CC2D1B: variants seen among roughly 807,000 people sequenced by gnomAD.
CC2D1B encodes the protein coiled-coil and C2 domain-containing protein 1B.
Under a neutral mutation model 110.8 loss-of-function variants are expected in CC2D1B, and 92 were observed. That is an observed-to-expected ratio of 0.83 (90% CI 0.70 to 0.99). The LOEUF (loss-of-function observed/expected upper bound fraction) is 0.99, where lower values mean the gene tolerates loss of function less well. Ranked by LOEUF, CC2D1B falls within the 50% of genes least tolerant of loss-of-function variation. CC2D1B has a pLI of 0.00. For missense variants in CC2D1B, 1,136 were observed against 1,089.0 expected (o/e 1.04, Z -0.61); for synonymous variants, 406 against 429.2 (o/e 0.95, Z 0.67).
In CC2D1B at chr1:52,353,094, A is replaced by C; in HGVS notation, c.*131T>G. 1 of 937,366 alleles carries C rather than the reference A, an allele frequency of 1.1e-6. No individual in the cohort carries two copies. The highest frequency in any genetic ancestry group is 2.4e-5 in the Admixed American group (1 of 42,542). 58.1% of individuals were successfully genotyped at this position (937,366 alleles called of 1,614,324 possible). On this transcript the variant is annotated 3_prime_UTR_variant, in exon 25 of 25. Transcript: ENST00000284376. ...ACCAGAGTCGTGGTCAGTAGTGCAC[A>C]TGCTTAACAGGTCTTTGGTGCTTGG...
chr1:52,357,720 T>A, intron 14 of CC2D1B, 22 bp from the exon 15 acceptor site: 2 of 1,610,746 alleles, frequency 1.2e-6, no homozygotes, highest in African/African-American at 2.7e-5. Context: ...AGGCCACTGG[T>A]TAGGGCCACA....
At chr1:52,358,123 G>C in intron 13 of CC2D1B, 4 of 898,108 alleles carry the variant, frequency 4.5e-6, no homozygotes, top group Non-Finnish European at 6.5e-6. Flanking sequence ...AATGGGGATG[G>C]AGCCGGGGCT....
intron 23 of CC2D1B, 80 bp downstream of exon 23, chr1:52,354,528 C>CTA: frequency 8.5e-7 from 1 of 1,177,866 alleles, no homozygotes; most frequent in Non-Finnish European, 1.3e-6. Flanking sequence ...GCACGAAAAC[C>CTA]TACAACAAGG....
Position 52,356,184 on chromosome 1 carries a change from A to G in CC2D1B, c.2054+2T>C. The G allele has an allele frequency of 6.3e-7, 1 of 1,591,774 alleles. No individual in the cohort carries two copies. The highest frequency in any genetic ancestry group is 8.6e-7 in the Non-Finnish European group (1 of 1,163,110). ...AGCCCCTGTTTCCCTAGGCCTTGGT[A>G]CCTCACAGTCTGGAATGTCTTCAAC... On this transcript the variant is annotated splice_donor_variant, in intron 18 of 24. Coordinates refer to ENST00000284376, the MANE Select transcript of CC2D1B (RefSeq NM_001330585.2). LOFTEE classifies it high-confidence loss of function.
chr1:52,364,566 C>T lies in CC2D1B; in HGVS notation c.55G>A (p.Ala19Thr), dbSNP rs375286309. 3.1e-6 allele frequency: 5 copies of T among 1,602,986 alleles called. No individual in the cohort carries two copies. In the African/African-American group the frequency reaches 5.4e-5, roughly 17 times the overall value. The stretch of plus-strand genomic sequence containing the variant: ...AAGTTCCATACCTGCTTGGCAGCGG[C>T]CACCCCTTGGCCTCTGGCCTGAGGG... ...KGPQARGQGV[A>T]AAKQMGLFME... The change falls in exon 2 of 25, where the codon GCC becomes ACC. Residue 19 changes from alanine (A) to threonine (T), a missense_variant. Transcript: ENST00000284376.
intron 13 of CC2D1B, chr1:52,358,121 T>G (rs930744826): frequency 3.3e-5 from 29 of 889,852 alleles, no homozygotes; most frequent in Admixed American, 9.4e-5. Flanking sequence ...GTAATGGGGA[T>G]GGAGCCGGGG....
intron 16 of CC2D1B, 179 bp from the exon 17 acceptor site, chr1:52,356,621 G>A (rs938052496): frequency 1.5e-6 from 1 of 661,284 alleles, no homozygotes; most frequent in African/African-American, 1.8e-5. Context: ...CTACACTTTT[G>A]TCATTTTCTC....
In CC2D1B at chr1:52,364,587, G is replaced by C. The variant is rs374969744; in HGVS notation, c.34C>G (p.Gln12Glu). The C allele has an allele frequency of 1.2e-6, 2 of 1,608,214 alleles. No individual in the cohort carries two copies. The highest frequency in any genetic ancestry group is 1.7e-6 in the Non-Finnish European group (2 of 1,175,552). Residue 12 changes from glutamine to glutamate, a missense_variant, in exon 2 of 25, where the codon CAG (glutamine) becomes GAG (glutamate). Transcript: ENST00000284376. ...GCGGCCACCCCTTGGCCTCTGGCCT[G>C]AGGGCCCTTCCGAGGTCTTGGCCCT... is the stretch of plus-strand genomic sequence containing the variant. ...MPGPRPRKGP[Q>E]ARGQGVAAAK...
rs1472795650 is a variant in CC2D1B, at chr1:52,353,517, C to T, written c.*1+1G>A. 1.2e-6 allele frequency: 2 copies of T among 1,610,128 alleles called. No homozygotes were observed. Among genetic ancestry groups the T allele is most frequent in the South Asian group, 1.1e-5 (1 of 90,730 alleles). On this transcript the variant is annotated splice_donor_variant, in intron 24 of 24. Transcript: ENST00000284376. LOFTEE classifies it low-confidence loss of function (3UTR_SPLICE). ...TTCTGAAGGCCCAGAGAGCTGCCCA[C>T]CTCACAAGCCCCTGGGCTCCAGAAC...
In CC2D1B at chr1:52,352,242, A is replaced by G. The variant is rs1646542301; in HGVS notation, c.*983T>C. The G allele has an allele frequency of 6.6e-6, 1 of 152,276 alleles. No homozygotes were observed. 9.4% of individuals were successfully genotyped at this position (152,276 alleles called of 1,614,324 possible). On this transcript the variant is annotated 3_prime_UTR_variant, in exon 25 of 25. Coordinates refer to ENST00000284376, the MANE Select transcript of CC2D1B (RefSeq NM_001330585.2). Reference sequence around the variant, plus strand: ...TTTGAATATTAAATCTCTTACAACTACAAACCCCTTCATAGTCTCCATCCA... The same window carrying G: ...TTTGAATATTAAATCTCTTACAACTGCAAACCCCTTCATAGTCTCCATCCA...
chr1:52,355,782 G>A lies in CC2D1B; in HGVS notation c.2117C>T (p.Pro706Leu), dbSNP rs1378922253. The A allele has an allele frequency of 1.2e-6, 2 of 1,614,000 alleles. No homozygotes were observed. The highest frequency in any genetic ancestry group is 1.7e-6 in the Non-Finnish European group (2 of 1,179,986). The change falls in exon 19 of 25, where the codon CCA becomes CTA. Residue 706 changes from proline (P) to leucine (L), a missense_variant. Physicochemically the swap from Pro to Leu is moderately conservative, Grantham distance 98 (BLOSUM62 -3). Coordinates refer to ENST00000284376, the MANE Select transcript of CC2D1B (RefSeq NM_001330585.2). ...HLIIVRGMNL[P>L]APPGVTPDDL... ...GGCCCTAGGGTTACCTGGAGGGGCTGGGAGGTTCATTCCCCGGACAATGAT... is the reference window on the plus strand; with the variant it reads ...GGCCCTAGGGTTACCTGGAGGGGCTAGGAGGTTCATTCCCCGGACAATGAT...
intron 11 of CC2D1B, 87 bp from the exon 12 acceptor site, chr1:52,358,845 G>T: frequency 6.8e-7 from 1 of 1,462,676 alleles, no homozygotes. Flanking sequence ...GCAAGGAGAG[G>T]GAGACTGGTG....
chr1:52,351,820 G>GT lies in CC2D1B; in HGVS notation c.*1404dup, dbSNP rs1330006947. 6.6e-6 allele frequency: 1 copy of GT among 150,782 alleles called. No homozygotes were observed. Among genetic ancestry groups the GT allele is most frequent in the African/African-American group, 2.5e-5 (1 of 40,732 alleles). 9.3% of individuals were successfully genotyped at this position (150,782 alleles called of 1,614,324 possible). On this transcript the variant is annotated 3_prime_UTR_variant, in exon 25 of 25. Transcript: ENST00000284376. ...AATCGCTTGAACCTGGGAGGTGGGG[G>GT]TTGCAGCGAGCTGAGATCATGCCAC...
At position 52,356,317 on chromosome 1, in the gene CC2D1B, T is replaced by C. The variant is rs769930650; in HGVS notation, c.1938-15A>G. ...GCTTCTCAAATCTGACAGGGATGGG[T>C]ATGTCAGCATGATGGTGGATTTTCT... On this transcript the variant is annotated splice_polypyrimidine_tract_variant and intron_variant, in intron 17 of 24. Transcript: ENST00000284376. The C allele has an allele frequency of 4.8e-5, 77 of 1,613,398 alleles. No individual in the cohort carries two copies. Among genetic ancestry groups the C allele is most frequent in the Non-Finnish European group, 5.8e-5 (68 of 1,179,438 alleles).
chr1:52,354,323 G>GAGTTTCCTCATTTGTCAGAGGCA (rs916982629), intron 23 of CC2D1B: 1 of 622,522 alleles, frequency 1.6e-6, no homozygotes, highest in Non-Finnish European at 3.0e-6. Context: ...TCTCGGACCT[G>GAGTTTCCTCATTTGTCAGAGGCA]AGTTTCCTCA....
At chr1:52,360,833 T>A in intron 5 of CC2D1B, 141 bp downstream of exon 5, 1 of 1,107,708 alleles carries the variant, frequency 9.0e-7, no homozygotes, top group Non-Finnish European at 1.3e-6. Context: ...TTTCTTGTGC[T>A]CAGTTTCTGC....
rs1262511950 is a variant in CC2D1B at position 52,359,084 on chromosome 1, G to A, written c.1200C>T (p.Ile400=). Residue 400 remains isoleucine, a synonymous_variant, in exon 11 of 25, where the codon ATC becomes ATT. Transcript: ENST00000284376. The part of the protein sequence containing the change: ...QRLNKYREAG[I]QARSGGDERK... Reference sequence around the variant, plus strand: ...GCTCGTCCCCACCACTCCGGGCCTGGATGCCCGCCTCGCGGTACTTGTTCA... The same window carrying A: ...GCTCGTCCCCACCACTCCGGGCCTGAATGCCCGCCTCGCGGTACTTGTTCA... 1 of 1,609,580 alleles carries A rather than the reference G, an allele frequency of 6.2e-7. No individual in the cohort carries two copies. The highest frequency in any genetic ancestry group is 8.5e-7 in the Non-Finnish European group (1 of 1,180,024).
At position 52,360,117 on chromosome 1, in the gene CC2D1B, C is replaced by G. The variant is rs1481856497; in HGVS notation, c.720G>C (p.Arg240Ser). 6.2e-7 allele frequency: 1 copy of G among 1,606,036 alleles called. No homozygotes were observed. Among genetic ancestry groups the G allele is most frequent in the East Asian group, 2.2e-5 (1 of 44,856 alleles). The change falls in exon 7 of 25, where the codon AGG becomes AGC. Residue 240 changes from arginine to serine, a missense_variant. By Grantham distance (110) the Arg-to-Ser change is moderately radical. Transcript: ENST00000284376. ...GAGCTGGAGGGTCTGTCTCAGGGCTCCTGTTGGCTGGTTCCTGGGGGGCCA... is the reference window on the plus strand; with the variant it reads ...GAGCTGGAGGGTCTGTCTCAGGGCTGCTGTTGGCTGGTTCCTGGGGGGCCA... ...RPLAPQEPAN[R>S]SPETDPPAPP...
In CC2D1B at chr1:52,354,633, T is replaced by C. The variant is rs773135163; in HGVS notation, c.2405A>G (p.Glu802Gly). The C allele has an allele frequency of 1.2e-6, 2 of 1,614,202 alleles. No individual in the cohort carries two copies. The highest frequency in any genetic ancestry group is 2.2e-5 in the East Asian group (1 of 44,880). Residue 802 changes from glutamate to glycine, a missense_variant, in exon 23 of 25, where the codon GAG becomes GGG. Transcript: ENST00000284376. Reference sequence around the variant, plus strand: ...CTCCACAATTTCTCTGATCTCACACTCATTCTCCAGCCGCTCCAGTTTCAG... The same window carrying C: ...CTCCACAATTTCTCTGATCTCACACCCATTCTCCAGCCGCTCCAGTTTCAG... ...AHLKLERLEN[E>G]CEIREIVEVL...
Sources: gnomAD v4.1 joint callset for allele counts on GRCh38, gnomAD v4.1.1 for gene constraint, MANE v1.5 for transcripts, NCBI Gene and HGNC (gene_info 2026-07-23, HGNC 2026-07-21) for gene names.